The following NRXN2 variants were observed in gnomAD, a reference collection of about 807,000 sequenced individuals.
The protein encoded by NRXN2 is neurexin-2-beta.
Under a neutral mutation model 128.8 loss-of-function variants are expected in NRXN2, and 29 were observed. The ratio of observed to expected loss-of-function variants is 0.23; its 90% CI spans 0.17 to 0.31. NRXN2 has a LOEUF of 0.31. Ranked by LOEUF, NRXN2 falls within the 10% of genes least tolerant of loss-of-function variation. NRXN2 has a pLI of 1.00. For missense variants in NRXN2, 1,881 were observed against 2,452.6 expected (o/e 0.77, Z 4.92); for synonymous variants, 1,098 against 1,075.2 (o/e 1.02, Z -0.41).
At chr11:64,671,195 G>A (rs1324356819) in intron 7 of NRXN2, among the ~76,000 whole-genome samples, 2 of 152,138 alleles carry the variant, frequency 1.3e-5, no homozygotes, top group Non-Finnish European at 2.9e-5. Context: ...TGGAGTAGCA[G>A]GAGGAAGGAC....
chr11:64,716,504 C>T (rs1026687449), intron 1 of NRXN2, among the ~76,000 whole-genome samples: 7 of 152,066 alleles, frequency 4.6e-5, no homozygotes, highest in African/African-American at 1.4e-4. Context: ...GGGGGCGAAG[C>T]GGCTGAGAGT....
chr11:64,665,579 T>A (rs560685994), intron 9 of NRXN2, among the ~76,000 whole-genome samples: 1 of 152,160 alleles, frequency 6.6e-6, no homozygotes, highest in South Asian at 2.1e-4. Context: ...AACCATTTAA[T>A]GTAAAGCCCG....
chr11:64,648,635 C>A lies in NRXN2; in HGVS notation c.3283+99G>T, dbSNP rs1444509333. On this transcript the variant is annotated intron_variant, in intron 16 of 22. Coordinates refer to ENST00000265459, the MANE Select transcript of NRXN2 (RefSeq NM_015080.4). The surrounding 1 kb of genome is among the most constrained non-coding windows in gnomAD (Gnocchi z 4.1). ...CTCCCATAAGGCCTGAGAAGGAAGG[C>A]CCCTTGGCAGAGCAAAGGCTACCTG... 1 of 1,499,426 alleles carries A rather than the reference C, an allele frequency of 6.7e-7. No individual in the cohort carries two copies. The highest frequency in any genetic ancestry group is 9.3e-7 in the Non-Finnish European group (1 of 1,078,684). The allele number at this position is 1,499,426 out of a possible 1,614,324, so 92.9% of individuals were successfully genotyped here.
chr11:64,651,374 C>T lies in NRXN2; in HGVS notation c.2799G>A (p.Thr933=), dbSNP rs1218578440. The T allele has an allele frequency of 1.9e-6, 3 of 1,614,156 alleles. No homozygotes were observed. Among genetic ancestry groups the T allele is most frequent in the Non-Finnish European group, 1.7e-6 (2 of 1,180,012 alleles). Reference sequence around the variant, plus strand: ...GGTGCATGGAAGCATAGGCTTGGAGCGTGGCGAGTGCCAGGTAGCTGCTGC... The same window carrying T: ...GGTGCATGGAAGCATAGGCTTGGAGTGTGGCGAGTGCCAGGTAGCTGCTGC... The part of the protein sequence containing the change: ...KSRSSYLALA[T]LQAYASMHLF... The change falls in exon 14 of 23, where the codon ACG becomes ACA. Residue 933 remains threonine, a synonymous_variant. Coordinates refer to ENST00000265459, the MANE Select transcript of NRXN2 (RefSeq NM_015080.4). This position sits in a 1 kb window ranked among gnomAD's most constrained non-coding sequence, Gnocchi z 5.9.
chr11:64,622,383 G>T lies in NRXN2; in HGVS notation c.4173+370C>A, dbSNP rs946511463. 2.6e-5 allele frequency among the ~76,000 whole-genome samples: 4 copies of T among 152,198 alleles called. No individual in the cohort carries two copies. Among genetic ancestry groups the T allele is most frequent in the Non-Finnish European group, 5.9e-5 (4 of 68,038 alleles). On this transcript the variant is annotated intron_variant, in intron 21 of 22. Coordinates refer to ENST00000265459, the MANE Select transcript of NRXN2 (RefSeq NM_015080.4). The surrounding 1 kb of genome is among the most constrained non-coding windows in gnomAD (Gnocchi z 4.3). ...ACTCTCTGCCCACACAGAACGCTAG[G>T]CATGGCCTTCACTGGGGAAGCAGAA...
At chr11:64,637,456 G>GT (rs2044911460) in intron 17 of NRXN2, 1 of 152,318 alleles carries the variant, frequency 6.6e-6, no homozygotes, top group South Asian at 2.1e-4. Flanking sequence ...GCCTCAGCCG[G>GT]TAACGGTCTC....
At chr11:64,620,067 G>C (rs1298967983) in intron 22 of NRXN2, among the ~76,000 whole-genome samples, 1 of 152,182 alleles carries the variant, frequency 6.6e-6, no homozygotes, top group East Asian at 1.9e-4. Context: ...TCAACCCCAG[G>C]ACCCCAGGCT....
Position 64,607,895 on chromosome 11 carries a change from C to A in NRXN2, c.4440G>T (p.Glu1480Asp), listed in dbSNP as rs1482455110. 7 of 1,572,016 alleles carry A rather than the reference C, an allele frequency of 4.5e-6. No homozygotes were observed. The highest frequency in any genetic ancestry group is 6.0e-6 in the Non-Finnish European group (7 of 1,159,782). The change falls in exon 23 of 23, where the codon GAG becomes GAT. Residue 1480 changes from glutamate (E) to aspartate (D), a missense_variant. Glu to Asp is a conservative substitution (Grantham distance 45). Transcript: ENST00000265459. ...GCTCCTCGCAGTCGCTGTCGTCCCGCTCGGCCTGGCACGGGCCCCCAGAGG... is the reference window on the plus strand; with the variant it reads ...GCTCCTCGCAGTCGCTGTCGTCCCGATCGGCCTGGCACGGGCCCCCAGAGG... ...RPPSGGPCQAERDDSDCEEPI... is the reference protein window; with the variant it reads ...RPPSGGPCQADRDDSDCEEPI...
At chr11:64,693,495 C>A (rs891039906) in intron 3 of NRXN2, among the ~76,000 whole-genome samples, 26 of 152,202 alleles carry the variant, frequency 1.7e-4, no homozygotes, top group Non-Finnish European at 2.6e-4. Context: ...CACCCCTAAT[C>A]CCAGTTACCC....
intron 11 of NRXN2, among the ~76,000 whole-genome samples, chr11:64,657,502 ACAATGGTTT>A (rs1304497680): frequency 6.6e-6 from 1 of 152,168 alleles, no homozygotes; most frequent in African/African-American, 2.4e-5. Context: ...TTGCATCTAC[ACAATGGTTT>A]CAATGGTTTC....
Position 64,623,126 on chromosome 11 carries a change from G to C in NRXN2, c.3848-48C>G. 1 of 1,560,086 alleles carries C rather than the reference G, an allele frequency of 6.4e-7. No homozygotes were observed. The highest frequency in any genetic ancestry group is 1.2e-5 in the South Asian group (1 of 85,370). Reference sequence around the variant, plus strand: ...ACAGAGAAGGGGCAGGCAGTGAGGGGAGACCAGGAAGGGAAGGAAGAAAAG... The same window carrying C: ...ACAGAGAAGGGGCAGGCAGTGAGGGCAGACCAGGAAGGGAAGGAAGAAAAG... On this transcript the variant is annotated intron_variant, in intron 20 of 22. Transcript: ENST00000265459. This position sits in a 1 kb window ranked among gnomAD's most constrained non-coding sequence, Gnocchi z 4.9.
At chr11:64,709,973 T>C (rs1287040625) in intron 2 of NRXN2, among the ~76,000 whole-genome samples, 3 of 149,616 alleles carry the variant, frequency 2.0e-5, no homozygotes, top group East Asian at 4.0e-4. Flanking sequence ...AGTGGTGCCA[T>C]CTCAGCTCAC....
chr11:64,610,981 A>G (rs2040545977), intron 22 of NRXN2, among the ~76,000 whole-genome samples: 1 of 152,162 alleles, frequency 6.6e-6, no homozygotes, highest in Non-Finnish European at 1.5e-5. Context: ...TCTTCCAGGC[A>G]GAGGATGCTC....
At chr11:64,712,725 G>A (rs1434680994) in intron 2 of NRXN2, 3 of 657,250 alleles carry the variant, frequency 4.6e-6, no homozygotes, top group South Asian at 1.5e-5. Flanking sequence ...GCTGCCCACA[G>A]GTCGCCGCAG....
intron 2 of NRXN2, among the ~76,000 whole-genome samples, chr11:64,699,091 T>G (rs2135611592): frequency 6.6e-6 from 1 of 152,350 alleles, no homozygotes; most frequent in Admixed American, 6.5e-5. Flanking sequence ...CATTCGCTCA[T>G]AGAGAGGTAG....
Position 64,651,360 on chromosome 11 carries a change from G to A in NRXN2, c.2813C>T (p.Ala938Val). 6.2e-7 allele frequency: 1 copy of A among 1,614,238 alleles called. No individual in the cohort carries two copies. Among genetic ancestry groups the A allele is most frequent in the Non-Finnish European group, 8.5e-7 (1 of 1,180,034 alleles). The stretch of plus-strand genomic sequence containing the variant: ...GAACTGGAAGAAGAGGTGCATGGAA[G>A]CATAGGCTTGGAGCGTGGCGAGTGC... ...YLALATLQAYASMHLFFQFKT... is the reference protein window; with the variant it reads ...YLALATLQAYVSMHLFFQFKT... The change falls in exon 14 of 23, where the codon GCT (alanine) becomes GTT (valine). Residue 938 changes from alanine (A) to valine (V), a missense_variant. Physicochemically the swap from Ala to Val is moderately conservative, Grantham distance 64 (BLOSUM62 0). Coordinates refer to ENST00000265459, the MANE Select transcript of NRXN2 (RefSeq NM_015080.4). This position sits in a 1 kb window ranked among gnomAD's most constrained non-coding sequence, Gnocchi z 5.9.
Position 64,660,339 on chromosome 11 carries a change from G to A in NRXN2, c.2382C>T (p.Val794=), listed in dbSNP as rs746613784. 7.4e-6 allele frequency: 12 copies of A among 1,613,512 alleles called. No homozygotes were observed. The highest frequency in any genetic ancestry group is 1.0e-5 in the Non-Finnish European group (12 of 1,179,936). ...ELDGGQMKLT[V]NLDCLRVGCA... is the part of the protein sequence containing the mutation. The stretch of plus-strand genomic sequence containing the variant: ...ACAGGGCAGGGTGGTTACCGAGGTT[G>A]ACAGTGAGCTTCATCTGCCCCCCAT... The change falls in exon 11 of 23, where the codon GTC becomes GTT. Residue 794 remains valine, a synonymous_variant. Coordinates refer to ENST00000265459, the MANE Select transcript of NRXN2 (RefSeq NM_015080.4). This position sits in a 1 kb window ranked among gnomAD's most constrained non-coding sequence, Gnocchi z 5.2.
At chr11:64,625,641 A>G (rs1343993174) in intron 20 of NRXN2, among the ~76,000 whole-genome samples, 1 of 152,142 alleles carries the variant, frequency 6.6e-6, no homozygotes, top group African/African-American at 2.4e-5. Flanking sequence ...TTAGAGGTAC[A>G]GAGCTCGCCC....
chr11:64,697,664 G>C lies in NRXN2; in HGVS notation c.748+111C>G, dbSNP rs1055976309. ...GACCCCAGACATCCTTCTCCGGAGA[G>C]GCCCTAAACATGGCAGGAAAGGGAG... is the stretch of plus-strand genomic sequence containing the variant. On this transcript the variant is annotated intron_variant, in intron 3 of 22. Coordinates refer to ENST00000265459, the MANE Select transcript of NRXN2 (RefSeq NM_015080.4). 4 of 1,248,278 alleles carry C rather than the reference G, an allele frequency of 3.2e-6. No individual in the cohort carries two copies. The Admixed American group carries it at 5.4e-5, about 17-fold the overall frequency. 77.3% of individuals were successfully genotyped at this position (1,248,278 alleles called of 1,614,324 possible). A position where few individuals can be genotyped will look rare whatever the true frequency, so the allele number is the denominator to read the frequency against.
Sources: allele counts gnomAD v4.1 joint callset (sites outside exome capture counted in the v4.1 genomes callset), GRCh38; gene constraint gnomAD v4.1.1; non-coding constraint Gnocchi (gnomAD v3.1); transcripts MANE v1.5; gene names NCBI Gene and HGNC (gene_info 2026-07-23, HGNC 2026-07-21).